Variants in CACNA2D3 observed in about 807,000 individuals in gnomAD.
CACNA2D3 encodes the protein calcium voltage-gated channel auxiliary subunit alpha2delta 3, also known as voltage-dependent calcium channel subunit alpha-2/delta-3.
CACNA2D3 carries 60 observed loss-of-function variants against 160.6 expected under a neutral mutation model. That is an observed-to-expected ratio of 0.37 (90% CI 0.30 to 0.46). The LOEUF is 0.46. CACNA2D3 is among the 20% of genes least tolerant of loss of function. CACNA2D3 has a pLI of 1.00. For missense variants in CACNA2D3, 1,205 were observed against 1,365.0 expected, an observed-to-expected ratio of 0.88 and a Z score of 1.85; for synonymous variants, 558 against 492.9, an observed-to-expected ratio of 1.13 and a Z score of -1.75.
intron 2 of CACNA2D3, among the ~76,000 whole-genome samples, chr3:54,308,097 T>G (rs1397330534): frequency 6.6e-6 from 1 of 152,228 alleles, no homozygotes; most frequent in Non-Finnish European, 1.5e-5. Flanking sequence ...CTATCCATCT[T>G]GCAGATTGTT....
At chr3:54,453,376 G>A (rs1700342413) in intron 4 of CACNA2D3, among the ~76,000 whole-genome samples, 2 of 152,126 alleles carry the variant, frequency 1.3e-5, no homozygotes, top group South Asian at 4.2e-4. Context: ...TTTTACATCT[G>A]CAGAGACCCA....
At chr3:54,890,452 C>T (rs1295690449) in intron 24 of CACNA2D3, among the ~76,000 whole-genome samples, 6 of 143,976 alleles carry the variant, frequency 4.2e-5, no homozygotes, top group South Asian at 2.2e-4. Context: ...GCCGAGATAG[C>T]GCCATTGCAC....
At chr3:54,337,053 T>A (rs1704398324) in intron 3 of CACNA2D3, among the ~76,000 whole-genome samples, 1 of 152,042 alleles carries the variant, frequency 6.6e-6, no homozygotes, top group Non-Finnish European at 1.5e-5. Context: ...AGTTTCTGTA[T>A]ATACACAGAC....
intron 2 of CACNA2D3, among the ~76,000 whole-genome samples, chr3:54,142,481 C>T (rs910382091): frequency 1.3e-5 from 2 of 152,174 alleles, no homozygotes; most frequent in Admixed American, 6.5e-5. Flanking sequence ...ACCTTGATTT[C>T]TAATTACTGT....
chr3:54,928,152 G>A (rs558716571), intron 27 of CACNA2D3: 7 of 523,230 alleles, frequency 1.3e-5, no homozygotes, highest in South Asian at 6.2e-5. Context: ...TCTTGGGATC[G>A]TGCCCCTCTT....
chr3:54,687,827 T>A (rs1294537394), intron 11 of CACNA2D3, among the ~76,000 whole-genome samples: 2 of 152,216 alleles, frequency 1.3e-5, no homozygotes, highest in South Asian at 2.1e-4. Flanking sequence ...TCCTAATAAA[T>A]CACATTGGTG....
intron 11 of CACNA2D3, among the ~76,000 whole-genome samples, chr3:54,650,920 T>C (rs1699751934): frequency 6.6e-6 from 1 of 152,206 alleles, no homozygotes; most frequent in African/African-American, 2.4e-5. Context: ...TCCGTGTGTA[T>C]CTAATTCTCA....
intron 33 of CACNA2D3, among the ~76,000 whole-genome samples, chr3:55,008,465 G>C (rs780914010): frequency 6.6e-5 from 10 of 152,126 alleles, no homozygotes; most frequent in Non-Finnish European, 7.4e-5. Context: ...AAACAAGATT[G>C]TTTAAGTTGT....
intron 3 of CACNA2D3, among the ~76,000 whole-genome samples, chr3:54,329,854 A>G (rs1198083795): frequency 1.3e-5 from 2 of 152,216 alleles, no homozygotes; most frequent in Non-Finnish European, 2.9e-5. Context: ...TATTTAGTCT[A>G]ACTAGCGATG....
intron 24 of CACNA2D3, among the ~76,000 whole-genome samples, chr3:54,888,687 T>G (rs975650968): frequency 1.2e-4 from 19 of 152,096 alleles, no homozygotes; most frequent in Admixed American, 1.2e-3. Flanking sequence ...CTGTTCTTCC[T>G]TAGTTCATTC....
intron 35 of CACNA2D3, among the ~76,000 whole-genome samples, chr3:55,053,815 T>C (rs1252466423): frequency 1.3e-5 from 2 of 151,940 alleles, no homozygotes; most frequent in African/African-American, 4.8e-5. Flanking sequence ...TCAAGTACAA[T>C]GTAAAGGAGA....
At chr3:55,049,316 T>G (rs1704134894) in intron 35 of CACNA2D3, among the ~76,000 whole-genome samples, 1 of 146,576 alleles carries the variant, frequency 6.8e-6, no homozygotes, top group Non-Finnish European at 1.5e-5. Context: ...TTGTTCTCGT[T>G]GGTTTCAAAG....
intron 27 of CACNA2D3, among the ~76,000 whole-genome samples, chr3:54,954,894 G>T (rs983874223): frequency 1.3e-5 from 2 of 152,150 alleles, no homozygotes; most frequent in African/African-American, 4.8e-5. Flanking sequence ...CATGAGAGGC[G>T]CCGATTAACC....
At chr3:54,630,007 G>A (rs1326909754) in intron 10 of CACNA2D3, among the ~76,000 whole-genome samples, 1 of 146,468 alleles carries the variant, frequency 6.8e-6, no homozygotes, top group Non-Finnish European at 1.5e-5. Context: ...AGTTTACAGG[G>A]TTTCTTGTTC....
chr3:54,558,979 G>A (rs1221727210), intron 5 of CACNA2D3, among the ~76,000 whole-genome samples: 2 of 152,058 alleles, frequency 1.3e-5, no homozygotes, highest in African/African-American at 4.8e-5. Flanking sequence ...GGGGATAGGA[G>A]GTAAAGTAAG....
At chr3:54,191,068 G>T (rs1256268985) in intron 2 of CACNA2D3, among the ~76,000 whole-genome samples, 2 of 146,490 alleles carry the variant, frequency 1.4e-5, no homozygotes, top group South Asian at 2.2e-4. Flanking sequence ...AAAAAAAAGT[G>T]CCTTTCTTGA....
chr3:55,012,303 GT>G (rs1204097872), intron 34 of CACNA2D3, among the ~76,000 whole-genome samples: 17 of 149,944 alleles, frequency 1.1e-4, no homozygotes, highest in Middle Eastern at 3.5e-3. Context: ...GGTGGTGGTG[GT>G]TTTTTTTTTA....
intron 2 of CACNA2D3, among the ~76,000 whole-genome samples, chr3:54,171,522 G>A (rs968580433): frequency 5.6e-4 from 85 of 151,960 alleles, no homozygotes; most frequent in African/African-American, 1.9e-3. Context: ...CAACTCTATT[G>A]GAAAAAATTA....
At chr3:54,810,456 A>T (rs1056133793) in intron 13 of CACNA2D3, among the ~76,000 whole-genome samples, 1 of 152,152 alleles carries the variant, frequency 6.6e-6, no homozygotes. Flanking sequence ...GCGGATCTTT[A>T]TCCACATTGC....
Sources: gnomAD v4.1 joint callset for allele counts (sites outside exome capture counted in the v4.1 genomes callset) on GRCh38, gnomAD v4.1.1 for gene constraint, MANE v1.5 for transcripts, NCBI Gene and HGNC (gene_info 2026-07-23, HGNC 2026-07-21) for gene names.